The following ADCY9 variants were observed in gnomAD, a reference collection of about 807,000 sequenced individuals.
ADCY9 encodes the protein adenylate cyclase type 9.
In ADCY9, 50 loss-of-function variants were observed where a neutral mutation model predicts 101.5. That is an observed-to-expected ratio of 0.49 (90% confidence interval 0.39 to 0.62). The LOEUF (loss-of-function observed/expected upper bound fraction) is 0.62, where lower values mean the gene tolerates loss of function less well. ADCY9 is among the 20% of genes least tolerant of loss of function. ADCY9 has a pLI of 0.00. For synonymous variants in ADCY9, 905 were observed against 769.3 expected (o/e 1.18, Z -2.92); for missense variants, 1,662 against 1,800.4 (o/e 0.92, Z 1.39).
At chr16:4,017,242 T>C (rs149271081) in intron 2 of ADCY9, among the ~76,000 whole-genome samples, 6 of 150,278 alleles carry the variant, frequency 4.0e-5, no homozygotes, top group African/African-American at 1.4e-4. Flanking sequence ...GCAATAATTC[T>C]GAGATTTAGA....
At chr16:3,984,185 C>A (rs149212094) in intron 6 of ADCY9, 38 of 152,366 alleles carry the variant, frequency 2.5e-4, no homozygotes, top group African/African-American at 8.7e-4. Context: ...TACTGACTGG[C>A]GCAGGTGAGG....
chr16:3,998,389 TCA>T (rs1341852289), intron 3 of ADCY9, among the ~76,000 whole-genome samples: 3 of 151,514 alleles, frequency 2.0e-5, no homozygotes, highest in Non-Finnish European at 4.4e-5. Flanking sequence ...GCAGACTGGG[TCA>T]TAGAGCAAGA....
chr16:3,998,470 G>T (rs921026083), intron 3 of ADCY9, among the ~76,000 whole-genome samples: 2 of 151,902 alleles, frequency 1.3e-5, no homozygotes, highest in African/African-American at 4.8e-5. Context: ...CAGCACTTTG[G>T]GAGGCCAACA....
At chr16:4,028,400 C>T (rs960785281) in intron 2 of ADCY9, among the ~76,000 whole-genome samples, 4 of 152,108 alleles carry the variant, frequency 2.6e-5, no homozygotes, top group African/African-American at 7.2e-5. Context: ...TATATCCACA[C>T]CACCGAATTT....
At chr16:4,001,044 T>TG (rs1237705332) in intron 3 of ADCY9, among the ~76,000 whole-genome samples, 1 of 150,116 alleles carries the variant, frequency 6.7e-6, no homozygotes, top group African/African-American at 2.5e-5. Flanking sequence ...ATTTTAGACT[T>TG]GCAGAGAGTG....
chr16:3,966,875 G>C lies in ADCY9; in HGVS notation c.2962C>G (p.Leu988Val), dbSNP rs779038291. 1 of 1,614,090 alleles carries C rather than the reference G, an allele frequency of 6.2e-7. No individual in the cohort carries two copies. Among genetic ancestry groups the C allele is most frequent in the Non-Finnish European group, 8.5e-7 (1 of 1,180,056 alleles). ...AGGAACCAGACCAACAAGAGCAGGA[G>C]AAAGAAGACGAGAACCACCTCCTGG... is the stretch of plus-strand genomic sequence containing the variant. The part of the protein sequence containing the change: ...IGQEVVLVFF[L>V]LLLLVWFLNR... The change falls in exon 11 of 11, where the codon CTC becomes GTC. Residue 988 changes from leucine (L) to valine (V), a missense_variant. By Grantham distance (32) the Leu-to-Val change is conservative (BLOSUM62 1). Coordinates refer to ENST00000294016, the MANE Select transcript of ADCY9 (RefSeq NM_001116.4).
intron 2 of ADCY9, among the ~76,000 whole-genome samples, chr16:4,091,604 C>T: frequency 6.6e-6 from 1 of 152,180 alleles, no homozygotes; most frequent in Non-Finnish European, 1.5e-5. Flanking sequence ...GTGGTTTATC[C>T]ATACAATGGA....
rs184572032 is a variant in ADCY9, at chr16:4,070,120, A to G, written c.1693+43630T>C. Among the ~76,000 whole-genome samples the G allele has an allele frequency of 8.3e-4, 124 of 149,682 alleles. 1 individual carries two copies. Among genetic ancestry groups the G allele is most frequent in the Non-Finnish European group, 1.5e-3 (103 of 67,314 alleles). ...CTCAAAAAAATATGTATGTGTGTGT[A>G]TGTGTGTGTGTGTGTGTGTGTGTGT... On this transcript the variant is annotated intron_variant, in intron 2 of 10. Coordinates refer to ENST00000294016, the MANE Select transcript of ADCY9 (RefSeq NM_001116.4).
intron 2 of ADCY9, among the ~76,000 whole-genome samples, chr16:4,039,913 C>T (rs544669708): frequency 4.6e-5 from 7 of 152,196 alleles, no homozygotes; most frequent in East Asian, 1.9e-4. Flanking sequence ...ATGGTGCACA[C>T]CTGTAGTCCC....
intron 2 of ADCY9, among the ~76,000 whole-genome samples, chr16:4,078,568 AAAAAAAGAAAAC>A (rs2056882380): frequency 6.8e-6 from 1 of 146,256 alleles, no homozygotes; most frequent in Admixed American, 6.9e-5. Context: ...AAAAGAAAAA[AAAAAAAGAAAAC>A]AAAAACATAA....
At chr16:4,069,687 G>A (rs997266370) in intron 2 of ADCY9, among the ~76,000 whole-genome samples, 1 of 151,964 alleles carries the variant, frequency 6.6e-6, no homozygotes, top group Non-Finnish European at 1.5e-5. Context: ...ATCTTCTAAG[G>A]CGACTCTCCC....
At chr16:3,955,125 T>G (rs1379729417) in intron 5 of ADCY9, among the ~76,000 whole-genome samples, 1 of 152,112 alleles carries the variant, frequency 6.6e-6, no homozygotes, top group East Asian at 1.9e-4. Flanking sequence ...ACGGTCTGAT[T>G]CATACAATAA....
At chr16:3,958,964 C>T (rs1458706696), downstream of ADCY9, among the ~76,000 whole-genome samples, 1 of 152,058 alleles carries the variant, frequency 6.6e-6, no homozygotes, top group Non-Finnish European at 1.5e-5. Context: ...CGGGAGCCAC[C>T]ATGCCCTGCC....
In ADCY9 at chr16:3,977,942, C is replaced by G. The variant is rs1162631404; in HGVS notation, c.2680-312G>C. 5.3e-5 allele frequency among the ~76,000 whole-genome samples: 8 copies of G among 152,316 alleles called. No homozygotes were observed. In the East Asian group the frequency reaches 9.7e-4, roughly 18 times the overall value. ...ATGTTGGCCAGGCTGGTCTCGAACT[C>G]CTGACCTCAGGTGATCCACCTGCCT... On this transcript the variant is annotated intron_variant, in intron 8 of 10. Coordinates refer to ENST00000294016, the MANE Select transcript of ADCY9 (RefSeq NM_001116.4).
chr16:4,046,942 C>T (rs751746792), intron 2 of ADCY9, among the ~76,000 whole-genome samples: 4 of 151,912 alleles, frequency 2.6e-5, no homozygotes, highest in Non-Finnish European at 5.9e-5. Context: ...CTCTGGAGGT[C>T]GAGGCTGCAG....
At chr16:4,089,049 G>C (rs1312263874) in intron 2 of ADCY9, among the ~76,000 whole-genome samples, 2 of 151,974 alleles carry the variant, frequency 1.3e-5, no homozygotes, top group Non-Finnish European at 2.9e-5. Context: ...TGTAGTTCTA[G>C]AGTTCCTAGA....
chr16:3,988,894 G>A (rs1428210766), intron 6 of ADCY9, 100 bp downstream of exon 6: 19 of 889,118 alleles, frequency 2.1e-5, no homozygotes, highest in African/African-American at 1.7e-4. Context: ...GTTCGCCTTC[G>A]TGTTCCCATC....
At chr16:4,028,190 G>T (rs1462740541) in intron 2 of ADCY9, among the ~76,000 whole-genome samples, 1 of 152,134 alleles carries the variant, frequency 6.6e-6, no homozygotes, top group Non-Finnish European at 1.5e-5. Context: ...AGAGAAAAAA[G>T]TCAGTTCACA....
rs182402195 is a variant in ADCY9 at position 4,013,836 on chromosome 16, G to C, written c.1694-6278C>G. On this transcript the variant is annotated intron_variant, in intron 2 of 10. Coordinates refer to ENST00000294016, the MANE Select transcript of ADCY9 (RefSeq NM_001116.4). ...CTGCGTAAGAAGAACAAAAGTTTTG[G>C]TACAAAAGAGAGAATATCTTTCATA... Among the ~76,000 whole-genome samples the C allele has an allele frequency of 3.9e-3, 601 of 152,210 alleles. 4 individuals carry two copies. Among genetic ancestry groups the C allele is most frequent in the African/African-American group, 0.014 (573 of 41,526 alleles).
Sources: allele counts gnomAD v4.1 joint callset (sites outside exome capture counted in the v4.1 genomes callset), GRCh38; gene constraint gnomAD v4.1.1; transcripts MANE v1.5; gene names NCBI Gene and HGNC (gene_info 2026-07-23, HGNC 2026-07-21).